Variants in ESRRB observed in about 807,000 individuals in gnomAD.
ESRRB encodes steroid hormone receptor ERR2.
A neutral mutation model predicts 46.0 loss-of-function variants in ESRRB; 16 were observed. The ratio of observed to expected loss-of-function variants is 0.35; its 90% CI spans 0.24 to 0.53. ESRRB has a LOEUF of 0.53. ESRRB is among the 20% of genes least tolerant of loss of function. The pLI is 0.93. For synonymous variants in ESRRB, 246 were observed against 259.6 expected (o/e 0.95, Z 0.50); for missense variants, 488 against 607.4 (o/e 0.80, Z 2.07).
chr14:76,331,390 A>T (rs1332496131), intron 1 of ESRRB, among the ~76,000 whole-genome samples: 2 of 152,210 alleles, frequency 1.3e-5, no homozygotes, highest in African/African-American at 2.4e-5. Context: ...TGATAAAAGT[A>T]GCTGCCTCAC....
chr14:76,349,366 A>G (rs565195271), intron 1 of ESRRB, among the ~76,000 whole-genome samples: 11 of 152,334 alleles, frequency 7.2e-5, no homozygotes, highest in African/African-American at 2.6e-4. Context: ...AACTCAATCT[A>G]CATTCTGTAC....
intron 2 of ESRRB, among the ~76,000 whole-genome samples, chr14:76,458,551 T>C (rs1453683868): frequency 6.6e-6 from 1 of 152,022 alleles, no homozygotes; most frequent in Non-Finnish European, 1.5e-5. Flanking sequence ...TTGGTCCTCT[T>C]GTCCTGGGAG....
chr14:76,484,330 T>C (rs941334138), intron 5 of ESRRB, among the ~76,000 whole-genome samples: 10 of 152,054 alleles, frequency 6.6e-5, no homozygotes, highest in Middle Eastern at 3.4e-3. Context: ...ACCAGGGATC[T>C]GGGCTGGTAC....
At position 76,501,778 on chromosome 14, in the gene ESRRB, GC is replaced by G. The variant is rs1209821007; in HGVS notation, c.*3323del. ...CCAGAAACCCCCATGTAAATCAAAT[GC>G]CCTAGGATGCTTCCATCCTGGTCCC... On this transcript the variant is annotated 3_prime_UTR_variant, in exon 7 of 7. Coordinates refer to ENST00000644823, the MANE Select transcript of ESRRB (RefSeq NM_001379180.1). 1.3e-5 allele frequency: 2 copies of G among 152,084 alleles called. No homozygotes were observed. Among genetic ancestry groups the G allele is most frequent in the African/African-American group, 4.8e-5 (2 of 41,394 alleles). The allele number at this position is 152,084 out of a possible 1,614,324, so 9.4% of individuals were successfully genotyped here. A position where few individuals can be genotyped will look rare whatever the true frequency, so the allele number is the denominator to read the frequency against.
At chr14:76,465,708 T>C (rs1341121471) in intron 3 of ESRRB, among the ~76,000 whole-genome samples, 2 of 152,186 alleles carry the variant, frequency 1.3e-5, no homozygotes, top group Non-Finnish European at 2.9e-5. Flanking sequence ...CAGGCAGACA[T>C]GCTCGGCTCG....
intron 3 of ESRRB, among the ~76,000 whole-genome samples, chr14:76,481,644 G>A (rs1162854689): frequency 3.3e-5 from 5 of 152,212 alleles, no homozygotes; most frequent in African/African-American, 4.8e-5. Flanking sequence ...CCTTTCTTTT[G>A]TTGGCAAGTT....
intron 3 of ESRRB, among the ~76,000 whole-genome samples, chr14:76,466,816 C>T (rs4381518): frequency 0.09 from 13,618 of 151,958 alleles, 808 homozygotes; most frequent in African/African-American, 0.18. Context: ...CTCCACCTCC[C>T]GGGTTCAAGC....
At chr14:76,355,331 G>T (rs1041298591) in intron 1 of ESRRB, among the ~76,000 whole-genome samples, 2 of 152,068 alleles carry the variant, frequency 1.3e-5, no homozygotes, top group African/African-American at 4.8e-5. Flanking sequence ...CTTTTACCAC[G>T]CCCTTCTCCC....
intron 2 of ESRRB, among the ~76,000 whole-genome samples, chr14:76,448,992 A>G (rs1888268539): frequency 6.6e-6 from 1 of 152,114 alleles, no homozygotes; most frequent in African/African-American, 2.4e-5. Flanking sequence ...CCTTCTCTAG[A>G]GTTTTTTGAG....
chr14:76,439,003 T>G (rs1887793285), intron 1 of ESRRB, among the ~76,000 whole-genome samples: 1 of 151,916 alleles, frequency 6.6e-6, no homozygotes, highest in Non-Finnish European at 1.5e-5. Flanking sequence ...CTCCCTATGT[T>G]GCCCAGGCTG....
Position 76,407,423 on chromosome 14 carries a change from G to A in ESRRB, c.50+30972G>A, listed in dbSNP as rs181788897. 7.0e-4 allele frequency: 339 copies of A among 481,470 alleles called. 5 individuals are homozygous for A. Among genetic ancestry groups the A allele is most frequent in the Non-Finnish European group, 1.7e-4 (62 of 369,412 alleles). 29.8% of individuals were successfully genotyped at this position (481,470 alleles called of 1,614,324 possible). On this transcript the variant is annotated intron_variant, in intron 1 of 6. Coordinates refer to ENST00000644823, the MANE Select transcript of ESRRB (RefSeq NM_001379180.1). ...TTGCCCCTCTCCATGTTTGAGGGCCGAAGAGCCTGCATCGAGCAGAGCCAC... is the reference window on the plus strand; with the variant it reads ...TTGCCCCTCTCCATGTTTGAGGGCCAAAGAGCCTGCATCGAGCAGAGCCAC...
At chr14:76,403,732 C>CT (rs550927203) in intron 1 of ESRRB, among the ~76,000 whole-genome samples, 335 of 147,030 alleles carry the variant, frequency 2.3e-3, no homozygotes, top group Admixed American at 8.9e-3. Context: ...GCAGGACCAT[C>CT]TTTTTTTTTT....
chr14:76,374,995 G>A (rs921214428), upstream of ESRRB, among the ~76,000 whole-genome samples: 1 of 152,130 alleles, frequency 6.6e-6, no homozygotes, highest in Admixed American at 6.5e-5. Context: ...TATTCCTGAA[G>A]TGCTTGAACA....
intron 1 of ESRRB, among the ~76,000 whole-genome samples, chr14:76,323,785 A>G (rs1883895847): frequency 6.6e-6 from 1 of 152,136 alleles, no homozygotes; most frequent in African/African-American, 2.4e-5. Context: ...GCCTTGACCA[A>G]GGCGCTGGTT....
At chr14:76,406,072 C>A (rs1384644633) in intron 1 of ESRRB, among the ~76,000 whole-genome samples, 1 of 152,054 alleles carries the variant, frequency 6.6e-6, no homozygotes, top group African/African-American at 2.4e-5. Flanking sequence ...TTTTCCTTTT[C>A]ATATTTGGGG....
intron 3 of ESRRB, among the ~76,000 whole-genome samples, chr14:76,471,718 G>T (rs1889381975): frequency 6.6e-6 from 1 of 152,150 alleles, no homozygotes; most frequent in Non-Finnish European, 1.5e-5. Context: ...ATATCCCCTT[G>T]TATGCTTCTT....
chr14:76,481,897 C>T (rs1011364497), intron 3 of ESRRB, 119 bp from the exon 4 acceptor site: 36 of 889,896 alleles, frequency 4.0e-5, no homozygotes, highest in Non-Finnish European at 5.4e-5. Context: ...GGGCAGCTGT[C>T]GAAGGTCATC....
intron 1 of ESRRB, among the ~76,000 whole-genome samples, chr14:76,405,696 C>G (rs1243144404): frequency 6.6e-6 from 1 of 151,898 alleles, no homozygotes; most frequent in East Asian, 1.9e-4. Context: ...CCCTGCCAAG[C>G]CTCTCTGAGG....
chr14:76,325,266 C>G (rs1032363461), intron 1 of ESRRB, among the ~76,000 whole-genome samples: 6 of 152,166 alleles, frequency 3.9e-5, no homozygotes, highest in Admixed American at 6.5e-5. Flanking sequence ...ACAAGCAACA[C>G]TTTTTATAAA....
Sources: gnomAD v4.1 joint callset for allele counts (sites outside exome capture counted in the v4.1 genomes callset) on GRCh38, gnomAD v4.1.1 for gene constraint, MANE v1.5 for transcripts, NCBI Gene and HGNC (gene_info 2026-07-23, HGNC 2026-07-21) for gene names.